Variants in PCDHGA2 observed in about 807,000 individuals in gnomAD.
The protein encoded by PCDHGA2 is protocadherin gamma-A2.
Under a neutral mutation model 59.2 loss-of-function variants are expected in PCDHGA2, and 40 were observed. The observed-to-expected ratio is 0.68, with a 90% CI of 0.52 to 0.88. PCDHGA2 has a LOEUF of 0.88. Among genes scored for constraint, PCDHGA2 ranks in the 40% least tolerant of loss-of-function variants. The pLI is 0.00. For missense variants in PCDHGA2, 1,226 were observed against 1,204.0 expected (o/e 1.02, Z -0.27); for synonymous variants, 560 against 526.0 (o/e 1.06, Z -0.89).
At chr5:141,445,890 T>A (rs1435563284) in intron 1 of PCDHGA2, among the ~76,000 whole-genome samples, 1 of 152,210 alleles carries the variant, frequency 6.6e-6, no homozygotes, top group Non-Finnish European at 1.5e-5. Flanking sequence ...ACTTAGGAGC[T>A]ATTAAAATAT....
rs895266922 is a variant in PCDHGA2 at position 141,343,983 on chromosome 5, G to C, written c.2424+2588G>C. On this transcript the variant is annotated intron_variant, in intron 1 of 3. Transcript: ENST00000394576. Reference sequence around the variant, plus strand: ...TCTTGAGAAAATAAGATTGGAGTCCGTCGTAGGAAACTGGAACCGAATTCA... The same window carrying C: ...TCTTGAGAAAATAAGATTGGAGTCCCTCGTAGGAAACTGGAACCGAATTCA... 8 of 1,444,634 alleles carry C rather than the reference G, an allele frequency of 5.5e-6. No homozygotes were observed. The Admixed American group carries it at 1.2e-4, about 21-fold the overall frequency. The allele number at this position is 1,444,634 out of a possible 1,614,324, so 89.5% of individuals were successfully genotyped here.
rs1025985501 is a variant in PCDHGA2 at position 141,432,385 on chromosome 5, C to G, written c.2425-62422C>G. 2.5e-6 allele frequency: 4 copies of G among 1,614,138 alleles called. No homozygotes were observed. In the African/African-American group the frequency reaches 5.3e-5, roughly 22 times the overall value. Reference sequence around the variant, plus strand: ...CGCGGGACAACGGGCACCCGCCCCTCAGCAGCAACGTGTCGTTGAGCCTGT... The same window carrying G: ...CGCGGGACAACGGGCACCCGCCCCTGAGCAGCAACGTGTCGTTGAGCCTGT... On this transcript the variant is annotated intron_variant, in intron 1 of 3. Transcript: ENST00000394576. The surrounding 1 kb of genome is among the most constrained non-coding windows in gnomAD (Gnocchi z 6.0).
chr5:141,339,098 T>C lies in PCDHGA2; in HGVS notation c.127T>C (p.Ser43Pro). ...YSVREEIDRG[S>P]FVGNIAKDLG... ...TGTGCGGGAAGAGATCGACAGAGGC[T>C]CCTTCGTAGGCAACATCGCCAAGGA... The change falls in exon 1 of 4, where the codon TCC (serine) becomes CCC (proline). Residue 43 changes from serine to proline, a missense_variant. Transcript: ENST00000394576. The C allele has an allele frequency of 6.2e-7, 1 of 1,614,226 alleles. No individual in the cohort carries two copies. Among genetic ancestry groups the C allele is most frequent in the Non-Finnish European group, 8.5e-7 (1 of 1,180,038 alleles).
At chr5:141,450,888 G>C (rs1038570371) in intron 1 of PCDHGA2, among the ~76,000 whole-genome samples, 27 of 145,380 alleles carry the variant, frequency 1.9e-4, no homozygotes, top group Non-Finnish European at 3.9e-4. Flanking sequence ...GCAGTGGTGC[G>C]ATATCGGCTC....
At chr5:141,399,593 C>T in intron 1 of PCDHGA2, 1 of 1,613,988 alleles carries the variant, frequency 6.2e-7, no homozygotes, top group Non-Finnish European at 8.5e-7. Flanking sequence ...TCTATCATGG[C>T]CAGCGACCTA....
intron 2 of PCDHGA2, among the ~76,000 whole-genome samples, chr5:141,499,314 A>C (rs2099791047): frequency 6.6e-6 from 1 of 152,238 alleles, no homozygotes; most frequent in Non-Finnish European, 1.5e-5. Context: ...TCTGAGAGAC[A>C]GTATCCCTGC....
rs750827454 is a variant in PCDHGA2, at chr5:141,394,736, C to T, written c.2424+53341C>T. The stretch of plus-strand genomic sequence containing the variant: ...TGGACAGAGATGCGCTCAAGCAGAG[C>T]CTCGTGGTGGCCGTCCAGGACCATG... On this transcript the variant is annotated intron_variant, in intron 1 of 3. Transcript: ENST00000394576. 13 of 1,613,338 alleles carry T rather than the reference C, an allele frequency of 8.1e-6. No homozygotes were observed. The African/African-American group carries it at 1.5e-4, about 18-fold the overall frequency.
rs374042624 is a variant in PCDHGA2, at chr5:141,394,490, G to A, written c.2424+53095G>A. The A allele has an allele frequency of 3.7e-6, 6 of 1,614,058 alleles. No individual in the cohort carries two copies. In the Admixed American group the frequency reaches 5.0e-5, roughly 13 times the overall value. ...TCGTGCTGGACCAGAATGACAACGCGCCCGAGATCCTGTACCCCGCCCTCC... is the reference window on the plus strand; with the variant it reads ...TCGTGCTGGACCAGAATGACAACGCACCCGAGATCCTGTACCCCGCCCTCC... On this transcript the variant is annotated intron_variant, in intron 1 of 3. Transcript: ENST00000394576.
chr5:141,501,897 C>T (rs796164763), intron 2 of PCDHGA2, among the ~76,000 whole-genome samples: 17 of 152,230 alleles, frequency 1.1e-4, no homozygotes, highest in African/African-American at 3.4e-4. Flanking sequence ...ATCATGGTTC[C>T]AACCCCACTG....
At chr5:141,357,316 G>A (rs758354244) in intron 1 of PCDHGA2, 1 of 1,614,060 alleles carries the variant, frequency 6.2e-7, no homozygotes, top group Admixed American at 1.7e-5. Context: ...CGTCTTCCTG[G>A]CTTTTGTCAC....
intron 1 of PCDHGA2, chr5:141,345,814 T>C (rs1366934477): frequency 6.2e-7 from 1 of 1,613,426 alleles, no homozygotes; most frequent in Non-Finnish European, 8.5e-7. Flanking sequence ...GTGGTGGCGG[T>C]GGACAGAGAC....
chr5:141,365,419 A>G (rs747311878), intron 1 of PCDHGA2: 4 of 1,613,996 alleles, frequency 2.5e-6, no homozygotes, highest in Non-Finnish European at 3.4e-6. Context: ...GTCTTCCCGG[A>G]ACTGTAATCG....
intron 1 of PCDHGA2, chr5:141,372,604 C>A: frequency 6.2e-7 from 1 of 1,613,988 alleles, no homozygotes; most frequent in Non-Finnish European, 8.5e-7. Context: ...AAGACTGTAC[C>A]TGGAGTTCTC....
At chr5:141,387,764 A>AT (rs1054166588) in intron 1 of PCDHGA2, 8 of 1,430,464 alleles carry the variant, frequency 5.6e-6, no homozygotes, top group Non-Finnish European at 7.4e-6. Context: ...AAAAAGAAGA[A>AT]TTTTTTCTTG....
intron 1 of PCDHGA2, chr5:141,393,595 T>C: frequency 6.2e-7 from 1 of 1,613,866 alleles, no homozygotes; most frequent in Non-Finnish European, 8.5e-7. Context: ...GGCACGCGGC[T>C]GCTTACTGTA....
intron 1 of PCDHGA2, chr5:141,352,437 G>C (rs754792200): frequency 6.2e-7 from 1 of 1,614,034 alleles, no homozygotes; most frequent in Non-Finnish European, 8.5e-7. Context: ...TTTCAAACCG[G>C]TCTCTGCTCC....
At position 141,376,453 on chromosome 5, in the gene PCDHGA2, T is replaced by G. The variant is rs779136467; in HGVS notation, c.2424+35058T>G. On this transcript the variant is annotated intron_variant, in intron 1 of 3. Transcript: ENST00000394576. ...AGGAGAGCTATGAGAAAAGCGAGCC[T>G]CTTCTGATAACTCAGGATTTACTTG... The G allele has an allele frequency of 1.9e-6, 3 of 1,614,166 alleles. No homozygotes were observed. The South Asian group carries it at 3.3e-5, about 18-fold the overall frequency.
chr5:141,346,225 G>T lies in PCDHGA2; in HGVS notation c.2424+4830G>T, dbSNP rs779368925. On this transcript the variant is annotated intron_variant, in intron 1 of 3. Transcript: ENST00000394576. ...CGCCTGCTGCAGGCTTCGGGAGGCG[G>T]CTTGGCGAGTACGCCCGGCTCGCAC... 7 of 1,614,082 alleles carry T rather than the reference G, an allele frequency of 4.3e-6. No individual in the cohort carries two copies. In the African/African-American group the frequency reaches 8.0e-5, roughly 18 times the overall value.
chr5:141,393,508 T>A (rs540869636), intron 1 of PCDHGA2: 2 of 1,614,010 alleles, frequency 1.2e-6, no homozygotes, highest in East Asian at 4.5e-5. Flanking sequence ...CACGTGACAG[T>A]GTTGGATACA....
Sources: allele counts gnomAD v4.1 joint callset (sites outside exome capture counted in the v4.1 genomes callset), GRCh38; gene constraint gnomAD v4.1.1; non-coding constraint Gnocchi (gnomAD v3.1); transcripts MANE v1.5; gene names NCBI Gene and HGNC (gene_info 2026-07-23, HGNC 2026-07-21).